ABCB7: variants seen among roughly 807,000 people sequenced by gnomAD.
The protein encoded by ABCB7 is ATP binding cassette subfamily B member 7.
Under a neutral mutation model 54.4 loss-of-function variants are expected in ABCB7, and 7 were observed. The observed-to-expected ratio is 0.13, with a 90% CI of 0.07 to 0.24. ABCB7 has a LOEUF of 0.24. ABCB7 is among the 10% of genes least tolerant of loss of function. ABCB7 has a pLI of 1.00. For synonymous variants in ABCB7, 218 were observed against 207.1 expected (o/e 1.05, Z -0.45); for missense variants, 356 against 570.4 (o/e 0.62, Z 3.83).
chrX:75,108,053 T>A (rs1341742414), intron 3 of ABCB7, among the ~76,000 whole-genome samples: 1 of 110,935 alleles, frequency 9.0e-6, no homozygotes, highest in Non-Finnish European at 1.9e-5. Flanking sequence ...ACATTGGGGG[T>A]AGTCTGGCAG....
At chrX:75,098,026 G>A (rs2081606320) in intron 4 of ABCB7, among the ~76,000 whole-genome samples, 1 of 111,278 alleles carries the variant, frequency 9.0e-6, no homozygotes, top group South Asian at 3.7e-4. Context: ...AGTAAATTGG[G>A]GGCTGGGTGC....
At position 75,124,299 on chromosome X, in the gene ABCB7, T is replaced by C. The variant is rs534560408; in HGVS notation, c.169-9468A>G. Among the ~76,000 whole-genome samples, 50 of 112,194 alleles carry C rather than the reference T, an allele frequency of 4.5e-4. No individual in the cohort carries two copies. In the South Asian group the frequency reaches 0.015, roughly 34 times the overall value. On this transcript the variant is annotated intron_variant, in intron 1 of 15. Coordinates refer to ENST00000373394, the MANE Select transcript of ABCB7 (RefSeq NM_001271696.3). Reference sequence around the variant, plus strand: ...TTCCTTTATCTACCAAATGTTCACATCTCTGGGTACGTAACACCAACAGCA... The same window carrying C: ...TTCCTTTATCTACCAAATGTTCACACCTCTGGGTACGTAACACCAACAGCA...
chrX:75,119,254 G>C (rs1301304721), intron 1 of ABCB7, among the ~76,000 whole-genome samples: 1 of 112,172 alleles, frequency 8.9e-6, no homozygotes, highest in African/African-American at 3.2e-5. Flanking sequence ...TGGAAATAAG[G>C]ATTTTTCTGC....
At chrX:75,061,562 TTA>T in intron 14 of ABCB7, among the ~76,000 whole-genome samples, 1 of 111,706 alleles carries the variant, frequency 9.0e-6, no homozygotes, top group South Asian at 3.8e-4. Flanking sequence ...TATGAAAATA[TTA>T]TGTCACACAG....
At chrX:75,150,966 G>A (rs180710044) in intron 1 of ABCB7, among the ~76,000 whole-genome samples, 1,242 of 110,894 alleles carry the variant, frequency 0.011, 15 homozygotes, top group African/African-American at 0.039. Flanking sequence ...AACACCATTA[G>A]AAACCCACCA....
Position 75,071,654 on chromosome X carries a change from C to T in ABCB7, c.1062G>A (p.Gln354=), listed in dbSNP as rs1372987702. 2 of 1,192,004 alleles carry T rather than the reference C, an allele frequency of 1.7e-6. No individual in the cohort carries two copies. Among genetic ancestry groups the T allele is most frequent in the Non-Finnish European group, 2.3e-6 (2 of 878,770 alleles). Residue 354 remains glutamine, a synonymous_variant, in exon 9 of 16, where the codon CAG becomes CAA. Transcript: ENST00000373394. ...KYFNNERYEA[Q]RYDGFLKTYE... is the part of the protein sequence containing the mutation. ...ACGTCTTCAAAAATCCATCATATCTCTGTGCTTCATATCTTTCATTATTAA... is the reference window on the plus strand; with the variant it reads ...ACGTCTTCAAAAATCCATCATATCTTTGTGCTTCATATCTTTCATTATTAA...
intron 1 of ABCB7, among the ~76,000 whole-genome samples, chrX:75,117,591 CT>C (rs1490315118): frequency 1.8e-5 from 2 of 111,303 alleles, no homozygotes; most frequent in African/African-American, 6.5e-5. Context: ...TAAAGTCCCT[CT>C]CAGCTGAGAA....
intron 1 of ABCB7, among the ~76,000 whole-genome samples, chrX:75,136,908 C>T (rs1272667530): frequency 3.6e-5 from 4 of 112,075 alleles, no homozygotes; most frequent in Non-Finnish European, 7.5e-5. Context: ...AAGACTTAAA[C>T]GTAAAACCCA....
chrX:75,089,300 C>T (rs2147490597), intron 4 of ABCB7, among the ~76,000 whole-genome samples: 1 of 111,707 alleles, frequency 9.0e-6, no homozygotes. Flanking sequence ...AATAATTTAT[C>T]TTTATTCTTA....
At chrX:75,146,435 G>A (rs958831465) in intron 1 of ABCB7, among the ~76,000 whole-genome samples, 11 of 112,129 alleles carry the variant, frequency 9.8e-5, no homozygotes, top group Non-Finnish European at 2.1e-4. Context: ...CAAGGCTACA[G>A]TAACCAAAAC....
intron 1 of ABCB7, among the ~76,000 whole-genome samples, chrX:75,126,019 T>C (rs1028433674): frequency 1.8e-5 from 2 of 111,513 alleles, no homozygotes; most frequent in Admixed American, 9.6e-5. Context: ...ATACAATAGC[T>C]AGAATACTTG....
chrX:75,081,807 G>A (rs1569224958), intron 4 of ABCB7, among the ~76,000 whole-genome samples: 1 of 110,816 alleles, frequency 9.0e-6, no homozygotes, highest in Non-Finnish European at 1.9e-5. Context: ...TCAAGGTAAG[G>A]TATACAAGAG....
At position 75,112,961 on chromosome X, in the gene ABCB7, T is replaced by C. The variant is rs1188380749; in HGVS notation, c.258A>G (p.Val86=). 1.7e-6 allele frequency: 2 copies of C among 1,202,110 alleles called. No individual in the cohort carries two copies. The highest frequency in any genetic ancestry group is 5.9e-5 in the East Asian group (2 of 33,660). ...ATGTCCTCTTTTCTATCAGTGGCCA[T>C]ACCTGGAGAGCCTAATTGAAGATGA... ...QFLDAAKALQ[V]WPLIEKRTCW... The change falls in exon 3 of 16, where the codon GTA becomes GTG. Residue 86 remains valine (V), a synonymous_variant. Transcript: ENST00000373394.
At position 75,053,406 on chromosome X, in the gene ABCB7, G is replaced by A; in HGVS notation, c.2223C>T (p.Val741=). The A allele has an allele frequency of 8.3e-7, 1 of 1,211,020 alleles. No individual in the cohort carries two copies. Among genetic ancestry groups the A allele is most frequent in the Non-Finnish European group, 1.1e-6 (1 of 895,024 alleles). Residue 741 remains valine (V), a synonymous_variant, in exon 16 of 16, where the codon GTC becomes GTT. Transcript: ENST00000373394. ...AGTTTCCACAGCCTTTCACACTATT[G>A]ACAATTTCTTCTTGTAGTTTCTTTC... ...EERKKLQEEI[V]NSVKGCGNCS...
intron 4 of ABCB7, among the ~76,000 whole-genome samples, chrX:75,078,131 C>G (rs2081425815): frequency 9.1e-6 from 1 of 109,892 alleles, no homozygotes; most frequent in South Asian, 4.0e-4. Flanking sequence ...TCAGGTTGGT[C>G]TCAAACTCCT....
chrX:75,089,800 A>T (rs1215967510), intron 4 of ABCB7, among the ~76,000 whole-genome samples: 1 of 111,056 alleles, frequency 9.0e-6, no homozygotes, highest in East Asian at 2.8e-4. Context: ...GGCATTAAAA[A>T]AAACAGATTG....
At chrX:75,087,953 A>G (rs1435658516) in intron 4 of ABCB7, among the ~76,000 whole-genome samples, 1 of 112,216 alleles carries the variant, frequency 8.9e-6, no homozygotes, top group African/African-American at 3.2e-5. Context: ...AATCAAAGAG[A>G]TAAGTCCTCT....
At chrX:75,121,712 A>G (rs1347163226) in intron 1 of ABCB7, among the ~76,000 whole-genome samples, 1 of 112,165 alleles carries the variant, frequency 8.9e-6, no homozygotes, top group Non-Finnish European at 1.9e-5. Context: ...ACTTGGGATA[A>G]TTTTGCTTAT....
chrX:75,132,715 T>C (rs960925284), intron 1 of ABCB7, among the ~76,000 whole-genome samples: 14 of 112,366 alleles, frequency 1.2e-4, no homozygotes, highest in African/African-American at 4.2e-4. Flanking sequence ...TGGATTAAAG[T>C]CCAAACTTCA....
Sources: allele counts gnomAD v4.1 joint callset (sites outside exome capture counted in the v4.1 genomes callset), GRCh38; gene constraint gnomAD v4.1.1; transcripts MANE v1.5; gene names NCBI Gene and HGNC (gene_info 2026-07-23, HGNC 2026-07-21).